IFIT3: variants seen among roughly 807,000 people sequenced by gnomAD.
IFIT3 encodes interferon induced protein with tetratricopeptide repeats 3, also known as interferon-induced protein with tetratricopeptide repeats 3.
IFIT3 carries 2 observed loss-of-function variants against 2.4 expected under a neutral mutation model. The ratio of observed to expected loss-of-function variants is 0.82; its 90% confidence interval spans 0.34 to 2.60. The LOEUF (loss-of-function observed/expected upper bound fraction) is 2.60, where lower values mean the gene tolerates loss of function less well. Among genes scored for constraint, IFIT3 ranks in the 30% most tolerant of loss-of-function variants. The pLI is 0.11. For synonymous variants in IFIT3, 203 were observed against 212.1 expected (o/e 0.96, Z 0.37); for missense variants, 481 against 562.4 (o/e 0.86, Z 1.46).
At chr10:89,335,747 T>C (rs1843728694) in intron 1 of IFIT3, among the ~76,000 whole-genome samples, 1 of 152,204 alleles carries the variant, frequency 6.6e-6, no homozygotes, top group Admixed American at 6.5e-5. Flanking sequence ...TACATTCTAT[T>C]GATCTGAGAC....
rs1320825080 is a variant in IFIT3, at chr10:89,328,158, T to C, written c.5+80T>C. 5 of 1,244,028 alleles carry C rather than the reference T, an allele frequency of 4.0e-6. No homozygotes were observed. In the African/African-American group the frequency reaches 7.4e-5, roughly 18 times the overall value. 77.1% of individuals were successfully genotyped at this position (1,244,028 alleles called of 1,614,324 possible). On this transcript the variant is annotated intron_variant, in intron 1 of 1. Coordinates refer to ENST00000371818, the MANE Select transcript of IFIT3 (RefSeq NM_001549.6). The stretch of plus-strand genomic sequence containing the variant: ...TGAGTTTCTTACTGTGCAGGCACAT[T>C]CCTGAATTGTCCTGATGTTTATAGA...
chr10:89,340,149 C>T lies in IFIT3; in HGVS notation c.*21C>T. 1 of 1,552,658 alleles carries T rather than the reference C, an allele frequency of 6.4e-7. No homozygotes were observed. The highest frequency in any genetic ancestry group is 8.7e-7 in the Non-Finnish European group (1 of 1,150,210). ...ACTGAGACAGAGGAGGAAAACAGAGCATCAGAAGCCTGCAGTGGTGGTTGT... is the reference window on the plus strand; with the variant it reads ...ACTGAGACAGAGGAGGAAAACAGAGTATCAGAAGCCTGCAGTGGTGGTTGT... On this transcript the variant is annotated 3_prime_UTR_variant, in exon 2 of 2. Transcript: ENST00000371818.
In IFIT3 at chr10:89,339,060, T is replaced by C; in HGVS notation, c.405T>C (p.Tyr135=). 1.2e-6 allele frequency: 2 copies of C among 1,614,094 alleles called. No individual in the cohort carries two copies. The highest frequency in any genetic ancestry group is 4.5e-5 in the East Asian group (2 of 44,882). The change falls in exon 2 of 2, where the codon TAT becomes TAC. Residue 135 remains tyrosine, a synonymous_variant. Coordinates refer to ENST00000371818, the MANE Select transcript of IFIT3 (RefSeq NM_001549.6). ...TTTCAAATCCATACAGTATTGAGTA[T>C]TCTGAACTTGACTGTGAGGAAGGGT... ...KKFSNPYSIE[Y]SELDCEEGWT...
Position 89,338,940 on chromosome 10 carries a change from C to A in IFIT3, c.285C>A (p.Val95=). Residue 95 remains valine (V), a synonymous_variant, in exon 2 of 2, where the codon GTC becomes GTA. Transcript: ENST00000371818. ...ACCAAGCAGAAATCAGAAGTCTAGT[C>A]ACTTGGGGAAACTACGCCTGGGTCT... The part of the protein sequence containing the change: ...HADQAEIRSL[V]TWGNYAWVYY... The A allele has an allele frequency of 6.2e-7, 1 of 1,614,138 alleles. No individual in the cohort carries two copies. Among genetic ancestry groups the A allele is most frequent in the Non-Finnish European group, 8.5e-7 (1 of 1,180,012 alleles).
In IFIT3 at chr10:89,328,073, C is replaced by A; in HGVS notation, c.-1C>A. 6.2e-7 allele frequency: 1 copy of A among 1,613,918 alleles called. No homozygotes were observed. Among genetic ancestry groups the A allele is most frequent in the South Asian group, 1.1e-5 (1 of 91,062 alleles). ...GAACAGCAGAGACACAGAGGGCAGTCATGAGGTCAGTGAAATAAGAATGCA... is the reference window on the plus strand; with the variant it reads ...GAACAGCAGAGACACAGAGGGCAGTAATGAGGTCAGTGAAATAAGAATGCA... On this transcript the variant is annotated 5_prime_UTR_variant, in exon 1 of 2. Coordinates refer to ENST00000371818, the MANE Select transcript of IFIT3 (RefSeq NM_001549.6).
Position 89,339,123 on chromosome 10 carries a change from G to T in IFIT3, c.468G>T (p.Lys156Asn), listed in dbSNP as rs143578681. The change falls in exon 2 of 2, where the codon AAG becomes AAT. Residue 156 changes from lysine (K) to asparagine (N), a missense_variant. Lys to Asn is a moderately conservative substitution (Grantham distance 94). Transcript: ENST00000371818. ...AGTGTGGAAGAAATGAAAGGGCGAA[G>T]GTGTGTTTTGAGAAGGCTCTGGAAG... ...QLKCGRNERA[K>N]VCFEKALEEK... 1.2e-5 allele frequency: 19 copies of T among 1,613,994 alleles called. No individual in the cohort carries two copies. The highest frequency in any genetic ancestry group is 1.5e-5 in the Non-Finnish European group (18 of 1,180,020).
chr10:89,338,030 T>A (rs1455668465), intron 1 of IFIT3, among the ~76,000 whole-genome samples: 1 of 152,214 alleles, frequency 6.6e-6, no homozygotes, highest in Non-Finnish European at 1.5e-5. Context: ...ATGTAAGGGT[T>A]CTGAGCACAT....
Position 89,339,489 on chromosome 10 carries a change from T to C in IFIT3, c.834T>C (p.Tyr278=), listed in dbSNP as rs1258127746. The stretch of plus-strand genomic sequence containing the variant: ...CCACACCAAACAATGGCTACCTCTA[T>C]CACCAGATTGGGTGCTGCTACAAGG... ...LESTPNNGYL[Y]HQIGCCYKAK... Residue 278 remains tyrosine, a synonymous_variant, in exon 2 of 2, where the codon TAT becomes TAC. Coordinates refer to ENST00000371818, the MANE Select transcript of IFIT3 (RefSeq NM_001549.6). The C allele has an allele frequency of 3.7e-6, 6 of 1,613,956 alleles. No homozygotes were observed. The highest frequency in any genetic ancestry group is 2.5e-6 in the Non-Finnish European group (3 of 1,179,940).
Position 89,339,138 on chromosome 10 carries a change from G to A in IFIT3, c.483G>A (p.Lys161=), listed in dbSNP as rs2863758. The change falls in exon 2 of 2, where the codon AAG becomes AAA. Residue 161 remains lysine, a synonymous_variant. Coordinates refer to ENST00000371818, the MANE Select transcript of IFIT3 (RefSeq NM_001549.6). The part of the protein sequence containing the change: ...RNERAKVCFE[K]ALEEKPNNPE... ...AAAGGGCGAAGGTGTGTTTTGAGAA[G>A]GCTCTGGAAGAAAAGCCCAACAACC... 1.2e-6 allele frequency: 2 copies of A among 1,614,092 alleles called. No homozygotes were observed. Among genetic ancestry groups the A allele is most frequent in the South Asian group, 2.2e-5 (2 of 91,070 alleles).
At position 89,328,066 on chromosome 10, in the gene IFIT3, G is replaced by A; in HGVS notation, c.-8G>A. 1.9e-6 allele frequency: 3 copies of A among 1,613,946 alleles called. No homozygotes were observed. Among genetic ancestry groups the A allele is most frequent in the South Asian group, 1.1e-5 (1 of 91,082 alleles). ...CTTTTCGGAACAGCAGAGACACAGA[G>A]GGCAGTCATGAGGTCAGTGAAATAA... On this transcript the variant is annotated 5_prime_UTR_variant, in exon 1 of 2. Transcript: ENST00000371818.
chr10:89,332,523 C>G, intron 1 of IFIT3: 4 of 1,610,770 alleles, frequency 2.5e-6, no homozygotes, highest in Non-Finnish European at 3.4e-6. Context: ...CCTAACAGCA[C>G]CCTGGGTGGA....
At chr10:89,333,810 A>C (rs1008590067) in intron 1 of IFIT3, among the ~76,000 whole-genome samples, 3 of 152,250 alleles carry the variant, frequency 2.0e-5, no homozygotes, top group Non-Finnish European at 4.4e-5. Context: ...TGAAGCTGAG[A>C]TCCCCCGGGA....
chr10:89,336,867 G>T (rs771635781), intron 1 of IFIT3, among the ~76,000 whole-genome samples: 3 of 152,200 alleles, frequency 2.0e-5, no homozygotes, highest in Non-Finnish European at 2.9e-5. Context: ...TAAGAAGGAA[G>T]AAGCACAAAC....
chr10:89,339,909 G>T lies in IFIT3; in HGVS notation c.1254G>T (p.Trp418Cys). Residue 418 changes from tryptophan (W) to cysteine (C), a missense_variant, in exon 2 of 2, where the codon TGG (tryptophan) becomes TGT (cysteine). Transcript: ENST00000371818. ...NLLPQNAPNY[W>C]YLQGLIHKQN... ...TTCCACAAAATGCACCAAATTATTG[G>T]TATCTTCAAGGATTAATTCATAAGC... 6.2e-7 allele frequency: 1 copy of T among 1,614,128 alleles called. No individual in the cohort carries two copies. Among genetic ancestry groups the T allele is most frequent in the Non-Finnish European group, 8.5e-7 (1 of 1,179,992 alleles).
At chr10:89,333,708 T>C (rs930183797) in intron 1 of IFIT3, among the ~76,000 whole-genome samples, 22 of 152,214 alleles carry the variant, frequency 1.4e-4, no homozygotes, top group Admixed American at 5.2e-4. Context: ...GTTTGACTGT[T>C]TAAAGGGTAA....
Position 89,328,092 on chromosome 10 carries a change from G to A in IFIT3, c.5+14G>A. On this transcript the variant is annotated intron_variant, in intron 1 of 1. Transcript: ENST00000371818. ...GGCAGTCATGAGGTCAGTGAAATAA[G>A]AATGCATAATCATGCTTGTTTTTGA... The A allele has an allele frequency of 6.2e-7, 1 of 1,613,520 alleles. No individual in the cohort carries two copies. The highest frequency in any genetic ancestry group is 1.3e-5 in the African/African-American group (1 of 75,028).
chr10:89,334,478 CTTTTTTTTTTTTTTTTTTTTT>C (rs578154457), intron 1 of IFIT3, among the ~76,000 whole-genome samples: 6 of 25,314 alleles, frequency 2.4e-4, no homozygotes, highest in African/African-American at 5.1e-4. Flanking sequence ...TTCTTTTATT[CTTTTTTTTTTTTTTTTTTTTT>C]TTTTTTTTTT....
chr10:89,335,289 G>A (rs1413324324), intron 1 of IFIT3: 7 of 152,076 alleles, frequency 4.6e-5, no homozygotes, highest in East Asian at 1.9e-4. Context: ...GCCAGCTCTC[G>A]CATTGGTAAA....
In IFIT3 at chr10:89,338,795, C is replaced by T. The variant is rs778196760; in HGVS notation, c.140C>T (p.Thr47Ile). The T allele has an allele frequency of 1.9e-6, 3 of 1,614,118 alleles. No homozygotes were observed. Among genetic ancestry groups the T allele is most frequent in the Admixed American group, 1.7e-5 (1 of 60,022 alleles). The stretch of plus-strand genomic sequence containing the variant: ...TGTAACCAGATTGAATTTTTAAACA[C>T]TGAGTTCAAAGCTACAATGTACAAC... Reference protein sequence around the residue: ...RVCNQIEFLNTEFKATMYNLL... With the variant: ...RVCNQIEFLNIEFKATMYNLL... The change falls in exon 2 of 2, where the codon ACT (threonine) becomes ATT (isoleucine). Residue 47 changes from threonine to isoleucine, a missense_variant. Thr to Ile is a moderately conservative substitution (Grantham distance 89). Transcript: ENST00000371818.
Sources: gnomAD v4.1 joint callset for allele counts (sites outside exome capture counted in the v4.1 genomes callset) on GRCh38, gnomAD v4.1.1 for gene constraint, MANE v1.5 for transcripts, NCBI Gene and HGNC (gene_info 2026-07-23, HGNC 2026-07-21) for gene names.